The following SEMA3A variants were observed in gnomAD, a reference collection of about 807,000 sequenced individuals.
SEMA3A encodes semaphorin 3A.
In SEMA3A, 29 loss-of-function variants were observed where a neutral mutation model predicts 97.9. The ratio of observed to expected loss-of-function variants is 0.30; its 90% confidence interval spans 0.22 to 0.40. The LOEUF is 0.40. Among genes scored for constraint, SEMA3A ranks in the 10% least tolerant of loss-of-function variants. The probability of loss-of-function intolerance (pLI) is 1.00; values close to 1 mark genes in which losing one functional copy is unlikely to be tolerated. For missense variants in SEMA3A, 763 were observed against 951.3 expected (o/e 0.80, Z 2.60); for synonymous variants, 321 against 323.7 (o/e 0.99, Z 0.09).
intron 1 of SEMA3A, among the ~76,000 whole-genome samples, chr7:84,431,486 G>T (rs1311917433): frequency 6.6e-6 from 1 of 151,912 alleles, no homozygotes; most frequent in Non-Finnish European, 1.5e-5. Flanking sequence ...AAAAGCATAT[G>T]CTCACTCTTA....
intron 2 of SEMA3A, among the ~76,000 whole-genome samples, chr7:84,337,167 G>T (rs985879455): frequency 6.6e-6 from 1 of 152,106 alleles, no homozygotes; most frequent in Non-Finnish European, 1.5e-5. Context: ...AAGAAATTAG[G>T]AGTGTCTGGC....
chr7:84,065,648 G>A lies in SEMA3A; in HGVS notation c.454-5090C>T, dbSNP rs368470722. Among the ~76,000 whole-genome samples, 58 of 151,736 alleles carry A rather than the reference G, an allele frequency of 3.8e-4. 1 individual carries two copies. The highest frequency in any genetic ancestry group is 1.4e-3 in the East Asian group (7 of 5,134). ...CAGAGAATACTACAAACACCTCTAC[G>A]CAAATAAACTAGAAAATCTAGAAGC... On this transcript the variant is annotated intron_variant, in intron 4 of 16. Transcript: ENST00000265362.
chr7:84,097,975 G>GA (rs1235743541), intron 4 of SEMA3A, among the ~76,000 whole-genome samples: 2 of 151,510 alleles, frequency 1.3e-5, no homozygotes, highest in Non-Finnish European at 2.9e-5. Flanking sequence ...GCAGCCTTTG[G>GA]AAAAAAAATG....
chr7:84,071,361 T>G (rs564525967), intron 4 of SEMA3A, among the ~76,000 whole-genome samples: 22 of 152,200 alleles, frequency 1.4e-4, no homozygotes, highest in African/African-American at 4.8e-4. Flanking sequence ...TGACATGAGA[T>G]CACAATCATA....
intron 15 of SEMA3A, among the ~76,000 whole-genome samples, chr7:83,974,159 A>C (rs925155296): frequency 1.3e-5 from 2 of 152,082 alleles, no homozygotes; most frequent in Admixed American, 6.6e-5. Context: ...ACATATATTA[A>C]GATTTGATAC....
At chr7:84,311,101 T>C (rs1801303124) in intron 2 of SEMA3A, among the ~76,000 whole-genome samples, 1 of 151,858 alleles carries the variant, frequency 6.6e-6, no homozygotes, top group Admixed American at 6.6e-5. Context: ...CAATCTTATC[T>C]TTAAACATGC....
At position 84,286,036 on chromosome 7, in the gene SEMA3A, A is replaced by C. The variant is rs191667804; in HGVS notation, c.-83+21171T>G. Among the ~76,000 whole-genome samples the C allele has an allele frequency of 2.7e-3, 418 of 152,174 alleles. 3 individuals carry two copies. Among genetic ancestry groups the C allele is most frequent in the African/African-American group, 9.8e-3 (405 of 41,536 alleles). On this transcript the variant is annotated intron_variant, in intron 3 of 3. Transcript: ENST00000424555. Reference sequence around the variant, plus strand: ...GATATTTCCTTTCCTTTGGTAACAAAAACATAGCCCTCAAATTCAATGTAT... The same window carrying C: ...GATATTTCCTTTCCTTTGGTAACAACAACATAGCCCTCAAATTCAATGTAT...
chr7:84,406,552 G>A (rs1419680740), intron 1 of SEMA3A, among the ~76,000 whole-genome samples: 1 of 152,010 alleles, frequency 6.6e-6, no homozygotes, highest in Non-Finnish European at 1.5e-5. Flanking sequence ...CATTTTATGA[G>A]GCCAACATCA....
intron 1 of SEMA3A, among the ~76,000 whole-genome samples, chr7:84,140,956 A>C: frequency 6.6e-6 from 1 of 152,184 alleles, no homozygotes; most frequent in Admixed American, 6.6e-5. Flanking sequence ...TTCAGAGATA[A>C]ATAAATTTGC....
chr7:84,397,007 C>T (rs1036710031), intron 1 of SEMA3A, among the ~76,000 whole-genome samples: 1 of 151,806 alleles, frequency 6.6e-6, no homozygotes, highest in African/African-American at 2.4e-5. Flanking sequence ...TGTTCTGTAC[C>T]AATCAGAACA....
Position 83,961,682 on chromosome 7 carries a change from C to G in SEMA3A, c.2005G>C (p.Asp669His), listed in dbSNP as rs142109587. The G allele has an allele frequency of 6.2e-7, 1 of 1,613,748 alleles. No homozygotes were observed. Among genetic ancestry groups the G allele is most frequent in the Non-Finnish European group, 8.5e-7 (1 of 1,179,824 alleles). ...AGAAGTTCTTCCAAATGCTCTGTGT[C>G]AATGACTTCCAGGGTTACCTTAAGA... is the stretch of plus-strand genomic sequence containing the variant. Reference protein sequence around the residue: ...TLLKVTLEVIDTEHLEELLHK... With the variant: ...TLLKVTLEVIHTEHLEELLHK... The change falls in exon 17 of 17, where the codon GAC (aspartate) becomes CAC (histidine). Residue 669 changes from aspartate to histidine, a missense_variant. Transcript: ENST00000265362.
chr7:84,168,682 C>G (rs1214058075), intron 1 of SEMA3A, among the ~76,000 whole-genome samples: 2 of 151,684 alleles, frequency 1.3e-5, no homozygotes, highest in African/African-American at 4.8e-5. Flanking sequence ...TTATTTTAAT[C>G]AATTTATGCC....
At chr7:84,016,163 T>A (rs1791089659) in intron 6 of SEMA3A, among the ~76,000 whole-genome samples, 1 of 152,150 alleles carries the variant, frequency 6.6e-6, no homozygotes, top group Non-Finnish European at 1.5e-5. Flanking sequence ...GGAATTACTG[T>A]CACAAACTAA....
chr7:84,250,525 G>C (rs769757707), intron 3 of SEMA3A, among the ~76,000 whole-genome samples: 1 of 152,102 alleles, frequency 6.6e-6, no homozygotes, highest in Non-Finnish European at 1.5e-5. Flanking sequence ...CAGTTTCTCT[G>C]TCTACATCTG....
chr7:84,245,276 C>G (rs183897198), intron 3 of SEMA3A, among the ~76,000 whole-genome samples: 34 of 152,050 alleles, frequency 2.2e-4, no homozygotes, highest in South Asian at 1.0e-3. Flanking sequence ...TTCTTGGAGG[C>G]TTTGTTCGTT....
chr7:84,321,939 TA>T (rs1395843759), intron 2 of SEMA3A, among the ~76,000 whole-genome samples: 1 of 139,888 alleles, frequency 7.1e-6, no homozygotes, highest in African/African-American at 2.7e-5. Context: ...CTGCATAATT[TA>T]TAAAGAAAAG....
At chr7:84,332,663 A>T (rs949951866) in intron 2 of SEMA3A, among the ~76,000 whole-genome samples, 2 of 123,732 alleles carry the variant, frequency 1.6e-5, no homozygotes, top group Non-Finnish European at 3.2e-5. Context: ...ATTGAAATAT[A>T]TGTGTGTGTA....
At chr7:83,980,603 CAAAAAAA>C (rs749889921) in intron 14 of SEMA3A, among the ~76,000 whole-genome samples, 1 of 53,968 alleles carries the variant, frequency 1.9e-5, no homozygotes, top group Admixed American at 2.4e-4. Flanking sequence ...GACTCCATCT[CAAAAAAA>C]AAAAAAAAAA....
Position 83,970,676 on chromosome 7 carries a change from T to A in SEMA3A, c.1717+6456A>T, listed in dbSNP as rs1047865701. Among the ~76,000 whole-genome samples the A allele has an allele frequency of 2.1e-4, 32 of 152,342 alleles. 1 individual carries two copies. Among genetic ancestry groups the A allele is most frequent in the Middle Eastern group, 3.4e-3 (1 of 294 alleles). ...TAAAACTAAAACATAATTTAGGAGA[T>A]GGGTAAATGAATGCCAATTATTTTA... is the stretch of plus-strand genomic sequence containing the variant. On this transcript the variant is annotated intron_variant, in intron 15 of 16. Transcript: ENST00000265362.
Sources: allele counts gnomAD v4.1 joint callset (sites outside exome capture counted in the v4.1 genomes callset), GRCh38; gene constraint gnomAD v4.1.1; transcripts MANE v1.5; gene names NCBI Gene and HGNC (gene_info 2026-07-23, HGNC 2026-07-21).